Variants in MYLK observed in about 807,000 individuals in gnomAD.
The protein encoded by MYLK is myosin light chain kinase, smooth muscle.
In MYLK, 106 loss-of-function variants were observed where a neutral mutation model predicts 203.4. The ratio of observed to expected loss-of-function variants is 0.52; its 90% confidence interval spans 0.45 to 0.61. The LOEUF is 0.61. MYLK is among the 20% of genes least tolerant of loss of function. The pLI, the probability that MYLK is intolerant of heterozygous loss-of-function variation, is 0.00. For missense variants in MYLK, 2,072 were observed against 2,442.3 expected, an observed-to-expected ratio of 0.85 and a Z score of 3.20; for synonymous variants, 867 against 959.5, an observed-to-expected ratio of 0.90 and a Z score of 1.78.
chr3:123,877,267 C>T (rs756112507), intron 1 of MYLK, among the ~76,000 whole-genome samples: 3 of 152,006 alleles, frequency 2.0e-5, no homozygotes, highest in Non-Finnish European at 1.5e-5. Flanking sequence ...ATTATAGAGG[C>T]CTGTGAATGG....
At chr3:123,768,924 A>G (rs1576909952) in intron 4 of MYLK, among the ~76,000 whole-genome samples, 1 of 152,196 alleles carries the variant, frequency 6.6e-6, no homozygotes, top group African/African-American at 2.4e-5. Context: ...CTTCTCCAGG[A>G]CCACTTGCTC....
chr3:123,816,548 T>G (rs2065755929), intron 3 of MYLK, among the ~76,000 whole-genome samples: 1 of 152,210 alleles, frequency 6.6e-6, no homozygotes, highest in Non-Finnish European at 1.5e-5. Flanking sequence ...GGAACCAACC[T>G]GAAATTGAAG....
At chr3:123,791,442 G>C (rs1020060319) in intron 4 of MYLK, among the ~76,000 whole-genome samples, 30 of 152,200 alleles carry the variant, frequency 2.0e-4, no homozygotes, top group Admixed American at 2.0e-3. Context: ...AAAAGTCTCT[G>C]TGTTGTTTCC....
chr3:123,684,149 G>T (rs1169943462), intron 19 of MYLK, among the ~76,000 whole-genome samples: 1 of 152,186 alleles, frequency 6.6e-6, no homozygotes, highest in African/African-American at 2.4e-5. Context: ...TTATTTGTCA[G>T]CCTCGGTGGA....
intron 4 of MYLK, among the ~76,000 whole-genome samples, chr3:123,780,103 A>G (rs1423127420): frequency 6.6e-6 from 1 of 152,200 alleles, no homozygotes; most frequent in African/African-American, 2.4e-5. Context: ...GCATGCTCAT[A>G]AAACCACCAG....
At chr3:123,620,110 A>T (rs867790440) in intron 32 of MYLK, 97 bp downstream of exon 32, 13 of 578,990 alleles carry the variant, frequency 2.2e-5, no homozygotes, top group Admixed American at 1.4e-4. Context: ...ATATTAAAAT[A>T]AAAAAAAAAA....
Position 123,708,682 on chromosome 3 carries a change from A to AGTGG in MYLK, c.2140+12_2140+15dup, listed in dbSNP as rs764308846. On this transcript the variant is annotated intron_variant, in intron 15 of 33. Transcript: ENST00000360304. ...CAGCATCTCCTTCCCACTCGCTCTG[A>AGTGG]GTGGGTCAGCCTCACCTTGTACCGT... The AGTGG allele has an allele frequency of 6.2e-7, 1 of 1,613,842 alleles. No individual in the cohort carries two copies. Among genetic ancestry groups the AGTGG allele is most frequent in the South Asian group, 1.1e-5 (1 of 91,074 alleles).
intron 4 of MYLK, among the ~76,000 whole-genome samples, chr3:123,774,954 T>C (rs2064015686): frequency 6.6e-6 from 1 of 152,138 alleles, no homozygotes; most frequent in African/African-American, 2.4e-5. Context: ...CAAAGAAGGT[T>C]AAGGATCTAG....
intron 20 of MYLK, among the ~76,000 whole-genome samples, chr3:123,673,616 A>C (rs557391863): frequency 5.2e-4 from 79 of 152,248 alleles, no homozygotes; most frequent in African/African-American, 1.8e-3. Context: ...TCCTCAGAAG[A>C]GGGGACATTC....
intron 9 of MYLK, 23 bp from the exon 10 acceptor site, chr3:123,734,245 G>GGGGGGGGT: frequency 2.0e-6 from 1 of 489,714 alleles, no homozygotes; most frequent in Non-Finnish European, 3.7e-6. Context: ...GAGGGTGGGG[G>GGGGGGGGT]TAGGGTGGGT....
intron 24 of MYLK, among the ~76,000 whole-genome samples, chr3:123,656,433 C>G (rs913712859): frequency 5.9e-5 from 9 of 152,220 alleles, no homozygotes; most frequent in African/African-American, 2.2e-4. Flanking sequence ...TCTCACACAA[C>G]ATATGCCTTG....
intron 2 of MYLK, among the ~76,000 whole-genome samples, chr3:123,844,595 A>T (rs1377065999): frequency 6.6e-6 from 1 of 152,020 alleles, no homozygotes; most frequent in Non-Finnish European, 1.5e-5. Flanking sequence ...AGACAGGAGC[A>T]ATTGACCACT....
chr3:123,685,263 G>C (rs987381698), intron 19 of MYLK, among the ~76,000 whole-genome samples: 2 of 152,206 alleles, frequency 1.3e-5, no homozygotes, highest in East Asian at 1.9e-4. Context: ...GCCCAAAGGA[G>C]AGAACACATG....
rs1227063022 is a variant in MYLK, at chr3:123,640,871, G to A, written c.4620-367C>T. On this transcript the variant is annotated intron_variant, in intron 27 of 33. Coordinates refer to ENST00000360304, the MANE Select transcript of MYLK (RefSeq NM_053025.4). The surrounding 1 kb of genome is among the most constrained non-coding windows in gnomAD (Gnocchi z 4.3). ...CACACATGCCTAAGGGAACATTCTT[G>A]TACTCTAGCCGTGTCTTTTAGTCAC... Among the ~76,000 whole-genome samples the A allele has an allele frequency of 6.6e-6, 1 of 152,184 alleles. No individual in the cohort carries two copies. The highest frequency in any genetic ancestry group is 1.5e-5 in the Non-Finnish European group (1 of 68,030).
intron 3 of MYLK, among the ~76,000 whole-genome samples, chr3:123,827,686 A>G (rs1314937910): frequency 8.4e-6 from 1 of 118,506 alleles, no homozygotes; most frequent in Non-Finnish European, 1.8e-5. Context: ...TGAAAAGATG[A>G]AAAACACCAT....
In MYLK at chr3:123,749,278, CAA is replaced by C. The variant is rs571864269; in HGVS notation, c.373+3051_373+3052del. 3.9e-3 allele frequency among the ~76,000 whole-genome samples: 464 copies of C among 120,242 alleles called. 1 individual carries two copies. Among genetic ancestry groups the C allele is most frequent in the African/African-American group, 0.013 (427 of 33,406 alleles). The allele number at this position is 120,242 out of a possible 152,430, so 78.9% of individuals were successfully genotyped here. On this transcript the variant is annotated intron_variant, in intron 5 of 33. Coordinates refer to ENST00000360304, the MANE Select transcript of MYLK (RefSeq NM_053025.4). ...TGAGCAACAGAGCAAGACCTAGCCT[CAA>C]AAAAAAAAAAAAAGATTATATATGT...
chr3:123,713,692 T>C (rs1384153623), intron 13 of MYLK, among the ~76,000 whole-genome samples: 1 of 151,744 alleles, frequency 6.6e-6, no homozygotes, highest in African/African-American at 2.4e-5. Flanking sequence ...CTAGCCTCTA[T>C]CAGTTTCTGC....
intron 29 of MYLK, among the ~76,000 whole-genome samples, chr3:123,637,036 G>A (rs1576390738): frequency 6.6e-6 from 1 of 152,194 alleles, no homozygotes; most frequent in East Asian, 1.9e-4. Flanking sequence ...CTCTCACACT[G>A]GAGTCTGAAG....
chr3:123,791,438 C>T (rs1422872637), intron 4 of MYLK, among the ~76,000 whole-genome samples: 3 of 152,188 alleles, frequency 2.0e-5, no homozygotes, highest in East Asian at 1.9e-4. Context: ...ATGCAAAAGT[C>T]TCTGTGTTGT....
Sources: allele counts gnomAD v4.1 joint callset (sites outside exome capture counted in the v4.1 genomes callset), GRCh38; gene constraint gnomAD v4.1.1; non-coding constraint Gnocchi (gnomAD v3.1); transcripts MANE v1.5; gene names NCBI Gene and HGNC (gene_info 2026-07-23, HGNC 2026-07-21).